GSE1: variants seen among roughly 807,000 people sequenced by gnomAD.
The protein encoded by GSE1 is genetic suppressor element 1.
Under a neutral mutation model 112.6 loss-of-function variants are expected in GSE1, and 32 were observed. The observed-to-expected ratio is 0.28, with a 90% CI of 0.21 to 0.38. GSE1 has a LOEUF of 0.38. GSE1 is among the 10% of genes least tolerant of loss of function. The probability of loss-of-function intolerance (pLI) is 1.00; values close to 1 mark genes in which losing one functional copy is unlikely to be tolerated. For missense variants in GSE1, 2,348 were observed against 1,699.2 expected, an observed-to-expected ratio of 1.38 and a Z score of -6.71; for synonymous variants, 1,115 against 735.6, an observed-to-expected ratio of 1.52 and a Z score of -8.35.
chr16:85,646,396 C>G (rs759047290), intron 2 of GSE1, among the ~76,000 whole-genome samples: 2 of 152,264 alleles, frequency 1.3e-5, no homozygotes, highest in Non-Finnish European at 2.9e-5. Context: ...TGCACAGCTG[C>G]TGTGACACGG....
intron 2 of GSE1, among the ~76,000 whole-genome samples, chr16:85,424,367 A>AGG (rs1179598156): frequency 6.6e-6 from 1 of 152,142 alleles, no homozygotes; most frequent in Non-Finnish European, 1.5e-5. Flanking sequence ...GCTCATGGGG[A>AGG]GGCTGGGGGC....
chr16:85,301,343 G>A (rs1407520544), intron 1 of GSE1, among the ~76,000 whole-genome samples: 2 of 152,260 alleles, frequency 1.3e-5, no homozygotes, highest in Admixed American at 1.3e-4. Flanking sequence ...TCATGGGGGT[G>A]ATTGAGGAAG....
intron 2 of GSE1, among the ~76,000 whole-genome samples, chr16:85,504,138 T>G (rs951382226): frequency 5.3e-5 from 8 of 152,094 alleles, no homozygotes; most frequent in African/African-American, 1.7e-4. Flanking sequence ...GGAGTCCATG[T>G]GTGAAGAGAG....
chr16:85,521,795 T>C (rs2151155774), intron 2 of GSE1, among the ~76,000 whole-genome samples: 1 of 152,312 alleles, frequency 6.6e-6, no homozygotes. Flanking sequence ...TCTGTCTGAG[T>C]GTTCTCACCC....
chr16:85,648,264 G>A (rs2051048055), intron 2 of GSE1, among the ~76,000 whole-genome samples: 4 of 152,178 alleles, frequency 2.6e-5, no homozygotes, highest in Admixed American at 2.6e-4. Context: ...TCTGGTGGCG[G>A]TGGGCGGCCC....
At chr16:85,251,575 A>T (rs1437210551) in intron 1 of GSE1, among the ~76,000 whole-genome samples, 1 of 152,178 alleles carries the variant, frequency 6.6e-6, no homozygotes, top group African/African-American at 2.4e-5. Flanking sequence ...AGGGCAGCAG[A>T]GTGACCCTGG....
At chr16:85,214,529 C>T (rs936976132) in intron 1 of GSE1, among the ~76,000 whole-genome samples, 1 of 152,272 alleles carries the variant, frequency 6.6e-6, no homozygotes, top group African/African-American at 2.4e-5. Flanking sequence ...TCAGAGGCAG[C>T]GCGGCCCAGC....
intron 1 of GSE1, among the ~76,000 whole-genome samples, chr16:85,231,405 C>A (rs1390929609): frequency 9.1e-6 from 1 of 110,160 alleles, no homozygotes; most frequent in Non-Finnish European, 1.9e-5. Flanking sequence ...GATAGCTGGA[C>A]AGAGGGATGG....
chr16:85,483,733 C>G (rs1048467533), intron 2 of GSE1, among the ~76,000 whole-genome samples: 6 of 152,274 alleles, frequency 3.9e-5, no homozygotes, highest in African/African-American at 1.4e-4. Context: ...AGCCCGTCCC[C>G]GTGTAAACCT....
chr16:85,241,832 C>T (rs147411871), intron 1 of GSE1, among the ~76,000 whole-genome samples: 12 of 152,078 alleles, frequency 7.9e-5, no homozygotes. Flanking sequence ...GGCCGATGCC[C>T]TTTATGGTAT....
intron 2 of GSE1, among the ~76,000 whole-genome samples, chr16:85,498,654 C>T (rs1339213289): frequency 6.6e-6 from 1 of 152,250 alleles, no homozygotes; most frequent in Non-Finnish European, 1.5e-5. Flanking sequence ...CCTAGACACC[C>T]CCCACACTCA....
chr16:85,662,681 C>A (rs890441673), intron 9 of GSE1: 1 of 408,048 alleles, frequency 2.5e-6, no homozygotes, highest in South Asian at 3.2e-5. Context: ...GACACAGCCC[C>A]AGGCCTGTGT....
chr16:85,259,480 T>C (rs189444190), intron 1 of GSE1, among the ~76,000 whole-genome samples: 152 of 152,374 alleles, frequency 1.0e-3, no homozygotes, highest in African/African-American at 3.4e-3. Context: ...ACAGCTGTCC[T>C]GCGGGGTGTG....
intron 1 of GSE1, among the ~76,000 whole-genome samples, chr16:85,308,519 C>G (rs1211024128): frequency 6.6e-6 from 1 of 152,148 alleles, no homozygotes; most frequent in African/African-American, 2.4e-5. Flanking sequence ...AAACAAACTC[C>G]TCGGGGACTT....
At chr16:85,485,663 G>A (rs1037807466) in intron 2 of GSE1, among the ~76,000 whole-genome samples, 1 of 152,246 alleles carries the variant, frequency 6.6e-6, no homozygotes, top group Non-Finnish European at 1.5e-5. Flanking sequence ...GCAGCCCGCC[G>A]GGCCAGCTTG....
chr16:85,377,393 G>C (rs977596749), intron 2 of GSE1, among the ~76,000 whole-genome samples: 1 of 152,190 alleles, frequency 6.6e-6, no homozygotes, highest in Admixed American at 6.5e-5. Context: ...CAAGGACTCT[G>C]GTTTGGGCTG....
chr16:85,339,032 A>G (rs1597432329), intron 1 of GSE1, among the ~76,000 whole-genome samples: 1 of 150,868 alleles, frequency 6.6e-6, no homozygotes, highest in South Asian at 2.1e-4. Flanking sequence ...GCATGTTACC[A>G]CCCCCCACCG....
chr16:85,327,948 G>GC (rs1460354743), intron 1 of GSE1, among the ~76,000 whole-genome samples: 9 of 152,086 alleles, frequency 5.9e-5, no homozygotes, highest in African/African-American at 1.7e-4. Flanking sequence ...TTGCCCTGGT[G>GC]CCCCCCACCC....
At chr16:85,234,603 A>T (rs2143864150) in intron 1 of GSE1, among the ~76,000 whole-genome samples, 1 of 152,278 alleles carries the variant, frequency 6.6e-6, no homozygotes, top group African/African-American at 2.4e-5. Context: ...CAATTTACAG[A>T]CAGGAAAACC....
Sources: allele counts gnomAD v4.1 joint callset (sites outside exome capture counted in the v4.1 genomes callset), GRCh38; gene constraint gnomAD v4.1.1; transcripts MANE v1.5; gene names NCBI Gene and HGNC (gene_info 2026-07-23, HGNC 2026-07-21).